The following DPP4 variants were observed in gnomAD, a reference collection of about 807,000 sequenced individuals.
DPP4 encodes the protein ADCP-2.
Under a neutral mutation model 122.4 loss-of-function variants are expected in DPP4, and 93 were observed. The ratio of observed to expected loss-of-function variants is 0.76; its 90% CI spans 0.64 to 0.90. The LOEUF is 0.90. DPP4 is among the 40% of genes least tolerant of loss of function. The pLI is 0.00. For synonymous variants in DPP4, 321 were observed against 302.9 expected, an observed-to-expected ratio of 1.06 and a Z score of -0.62; for missense variants, 914 against 907.3, an observed-to-expected ratio of 1.01 and a Z score of -0.09.
At chr2:162,008,039 G>A (rs1559706658) in intron 22 of DPP4, among the ~76,000 whole-genome samples, 2 of 151,914 alleles carry the variant, frequency 1.3e-5, no homozygotes, top group African/African-American at 2.4e-5. Flanking sequence ...CTTAGAGGTA[G>A]GTGTATGATG....
chr2:161,993,194 G>GATC lies in DPP4; in HGVS notation c.*86_*88dup. On this transcript the variant is annotated 3_prime_UTR_variant, in exon 26 of 26. Transcript: ENST00000360534. ...TCTTGATTTGAGTGTGTATTTTAAAGATCATCATCATCTTGACAGTGCAGT... is the reference window on the plus strand; with the variant it reads ...TCTTGATTTGAGTGTGTATTTTAAAGATCATCATCATCATCTTGACAGTGCAGT... 9.7e-7 allele frequency: 1 copy of GATC among 1,025,718 alleles called. No homozygotes were observed. Among genetic ancestry groups the GATC allele is most frequent in the Non-Finnish European group, 1.5e-6 (1 of 666,594 alleles). The allele number at this position is 1,025,718 out of a possible 1,614,324, so 63.5% of individuals were successfully genotyped here. A position where few individuals can be genotyped will look rare whatever the true frequency, so the allele number is the denominator to read the frequency against.
intron 18 of DPP4, among the ~76,000 whole-genome samples, chr2:162,016,079 A>C (rs571062573): frequency 1.3e-5 from 2 of 152,302 alleles, no homozygotes; most frequent in African/African-American, 4.8e-5. Flanking sequence ...CCTGATATTT[A>C]AAATTAGATG....
chr2:162,011,695 G>C, intron 20 of DPP4, 98 bp downstream of exon 20: 1 of 1,250,624 alleles, frequency 8.0e-7, no homozygotes, highest in Non-Finnish European at 1.1e-6. Flanking sequence ...ATTCATCCCA[G>C]AACACTTTAA....
chr2:162,019,616 C>A (rs779606107), intron 14 of DPP4, among the ~76,000 whole-genome samples: 2 of 151,914 alleles, frequency 1.3e-5, no homozygotes, highest in East Asian at 3.9e-4. Context: ...TGATCCCGAT[C>A]GTTGTATTTT....
rs375111564 is a variant in DPP4 at position 162,035,263 on chromosome 2, A to G, written c.675T>C (p.Tyr225=). Residue 225 remains tyrosine (Y), a synonymous_variant, in exon 9 of 26, where the codon TAT becomes TAC. Transcript: ENST00000360534. Reference sequence around the variant, plus strand: ...GGACTTCTGTGTCGTTAAATTGGGCATATGCTAAAAAAGTGCCGTTTGGAG... The same window carrying G: ...GGACTTCTGTGTCGTTAAATTGGGCGTATGCTAAAAAAGTGCCGTTTGGAG... The part of the protein sequence containing the change: ...WWSPNGTFLA[Y]AQFNDTEVPL... 54 of 1,613,970 alleles carry G rather than the reference A, an allele frequency of 3.3e-5. No homozygotes were observed. In the African/African-American group the frequency reaches 6.7e-4, roughly 20 times the overall value.
At chr2:162,011,308 C>CA (rs1290167583) in intron 20 of DPP4, among the ~76,000 whole-genome samples, 1 of 152,074 alleles carries the variant, frequency 6.6e-6, no homozygotes, top group Non-Finnish European at 1.5e-5. Context: ...ACAATTTTCC[C>CA]AAAATAGCAG....
intron 2 of DPP4, among the ~76,000 whole-genome samples, chr2:162,056,622 G>A (rs1243778819): frequency 6.6e-6 from 1 of 152,174 alleles, no homozygotes; most frequent in Admixed American, 6.5e-5. Context: ...ACTATGGAAG[G>A]AATTTAGTTT....
At chr2:162,053,107 A>G (rs1231503255) in intron 2 of DPP4, among the ~76,000 whole-genome samples, 1 of 152,244 alleles carries the variant, frequency 6.6e-6, no homozygotes, top group South Asian at 2.1e-4. Context: ...GATTTGGAAA[A>G]GTCTCAGCCT....
At chr2:162,034,056 C>A (rs928930103) in intron 9 of DPP4, among the ~76,000 whole-genome samples, 1 of 151,766 alleles carries the variant, frequency 6.6e-6, no homozygotes, top group Non-Finnish European at 1.5e-5. Context: ...GTCTTTGATG[C>A]CTGTCAGTAT....
Position 162,060,030 on chromosome 2 carries a change from T to C in DPP4, c.95-12529A>G, listed in dbSNP as rs528345003. On this transcript the variant is annotated intron_variant, in intron 2 of 25. Transcript: ENST00000360534. ...AGATAGGCACAGCCAGTAACTAGAC[T>C]AAAATTCTGTGATTAGTATGCACCA... is the stretch of plus-strand genomic sequence containing the variant. 1.1e-4 allele frequency among the ~76,000 whole-genome samples: 16 copies of C among 152,298 alleles called. 1 individual carries two copies. The South Asian group carries it at 3.3e-3, about 32-fold the overall frequency.
chr2:162,009,519 G>GTA (rs1701366875), intron 20 of DPP4, among the ~76,000 whole-genome samples: 1 of 134,500 alleles, frequency 7.4e-6, no homozygotes, highest in Admixed American at 7.1e-5. Flanking sequence ...AAAATTGTGT[G>GTA]TGTGTGTGTG....
At chr2:161,998,286 G>A (rs1008748887) in intron 23 of DPP4, among the ~76,000 whole-genome samples, 11 of 152,214 alleles carry the variant, frequency 7.2e-5, no homozygotes, top group African/African-American at 1.4e-4. Context: ...AGTACTGACC[G>A]TAAACATTAA....
chr2:161,995,306 C>T lies in DPP4; in HGVS notation c.2119G>A (p.Ala707Thr), dbSNP rs1207552547. The change falls in exon 24 of 26, where the codon GCA (alanine) becomes ACA (threonine). Residue 707 changes from alanine to threonine, a missense_variant. Coordinates refer to ENST00000360534, the MANE Select transcript of DPP4 (RefSeq NM_001935.4). Reference protein sequence around the residue: ...QVEYLLIHGTADDNVHFQQSA... With the variant: ...QVEYLLIHGTTDDNVHFQQSA... ...CTAATTAACTGAAACTCACCATCTGCTGTTCCATGAATAAGGAGGTACTCA... is the reference window on the plus strand; with the variant it reads ...CTAATTAACTGAAACTCACCATCTGTTGTTCCATGAATAAGGAGGTACTCA... The T allele has an allele frequency of 1.9e-6, 3 of 1,613,786 alleles. No individual in the cohort carries two copies. Among genetic ancestry groups the T allele is most frequent in the Non-Finnish European group, 1.7e-6 (2 of 1,179,692 alleles).
At chr2:162,039,266 T>A (rs1239881250) in intron 5 of DPP4, 82 bp from the exon 6 acceptor site, 1 of 1,119,988 alleles carries the variant, frequency 8.9e-7, no homozygotes, top group Non-Finnish European at 1.3e-6. Context: ...GATGATAGGT[T>A]TGGTAATATA....
intron 5 of DPP4, among the ~76,000 whole-genome samples, chr2:162,043,952 C>G (rs922476408): frequency 6.6e-6 from 1 of 151,976 alleles, no homozygotes; most frequent in African/African-American, 2.4e-5. Context: ...TAGTCAAGCC[C>G]AAAATGTTGA....
At chr2:162,068,277 A>G (rs1488486989) in intron 2 of DPP4, among the ~76,000 whole-genome samples, 1 of 152,214 alleles carries the variant, frequency 6.6e-6, no homozygotes, top group Non-Finnish European at 1.5e-5. Context: ...TATGCAAATG[A>G]GAAGTTATAA....
chr2:162,065,784 C>T (rs745614983), intron 2 of DPP4, among the ~76,000 whole-genome samples: 3 of 152,116 alleles, frequency 2.0e-5, no homozygotes, highest in Non-Finnish European at 2.9e-5. Context: ...ACTAGTGCTT[C>T]CATAGCACTT....
At chr2:162,050,874 T>C (rs1684359303) in intron 2 of DPP4, among the ~76,000 whole-genome samples, 1 of 152,230 alleles carries the variant, frequency 6.6e-6, no homozygotes. Flanking sequence ...CCTTGTCTAC[T>C]TGCTCACTGA....
At chr2:162,053,754 GAAGCATAGAGTGCAC>G (rs1183354487) in intron 2 of DPP4, among the ~76,000 whole-genome samples, 3 of 152,256 alleles carry the variant, frequency 2.0e-5, no homozygotes, top group African/African-American at 7.2e-5. Flanking sequence ...TAATTCTGCA[GAAGCATAGAGTGCAC>G]AAGCATGGGG....
Sources: allele counts gnomAD v4.1 joint callset (sites outside exome capture counted in the v4.1 genomes callset), GRCh38; gene constraint gnomAD v4.1.1; transcripts MANE v1.5; gene names NCBI Gene and HGNC (gene_info 2026-07-23, HGNC 2026-07-21).